Variants in TSHR observed in about 807,000 individuals in gnomAD.
The protein encoded by TSHR is thyroid stimulating hormone receptor, also known as thyrotropin receptor.
Under a neutral mutation model 64.1 loss-of-function variants are expected in TSHR, and 51 were observed. The observed-to-expected ratio is 0.80, with a 90% CI of 0.64 to 1.01. The LOEUF (loss-of-function observed/expected upper bound fraction) is 1.01, where lower values mean the gene tolerates loss of function less well. Ranked by LOEUF, TSHR falls within the 50% of genes least tolerant of loss-of-function variation. The pLI, the probability that TSHR is intolerant of heterozygous loss-of-function variation, is 0.00. For missense variants in TSHR, 877 were observed against 942.8 expected (o/e 0.93, Z 0.91); for synonymous variants, 361 against 361.9 (o/e 1.00, Z 0.03).
chr14:81,082,422 A>G (rs7151543), intron 3 of TSHR, among the ~76,000 whole-genome samples: 35,702 of 152,106 alleles, frequency 0.23, 6,132 homozygotes, highest in African/African-American at 0.49. Context: ...ACCACTGTAA[A>G]CTTGCTTCAA....
chr14:81,000,524 C>T (rs772682070), intron 1 of TSHR, among the ~76,000 whole-genome samples: 8 of 152,116 alleles, frequency 5.3e-5, no homozygotes, highest in Non-Finnish European at 1.2e-4. Flanking sequence ...GGTTAAGATG[C>T]AGTGATAGAT....
chr14:80,966,538 T>C lies in TSHR; in HGVS notation c.170+10688T>C, dbSNP rs147102440. On this transcript the variant is annotated intron_variant, in intron 1 of 9. Coordinates refer to ENST00000298171, the MANE Select transcript of TSHR (RefSeq NM_000369.5). ...TACTATTCTAGGCATTGATATATAA[T>C]AAACGACCTCATTGATTTTACATCA... Among the ~76,000 whole-genome samples the C allele has an allele frequency of 3.5e-3, 524 of 150,724 alleles. 6 individuals carry two copies. Among genetic ancestry groups the C allele is most frequent in the African/African-American group, 0.012 (507 of 41,014 alleles).
intron 8 of TSHR, among the ~76,000 whole-genome samples, chr14:81,122,844 G>A (rs1365198696): frequency 6.6e-6 from 1 of 152,162 alleles, no homozygotes; most frequent in African/African-American, 2.4e-5. Flanking sequence ...TAAAAATTAG[G>A]CTGGGCGTGG....
rs1357980089 is a variant in TSHR, at chr14:81,092,620, C to T, written c.545+12C>T. 15 of 1,611,574 alleles carry T rather than the reference C, an allele frequency of 9.3e-6. No homozygotes were observed. Among genetic ancestry groups the T allele is most frequent in the African/African-American group, 6.7e-5 (5 of 74,786 alleles). ...GAAACCTTGACACTGTGAGTATTAC[C>T]AGTTCTACTCCCTCCATCAACTAAA... is the stretch of plus-strand genomic sequence containing the variant. On this transcript the variant is annotated intron_variant, in intron 6 of 9. Coordinates refer to ENST00000298171, the MANE Select transcript of TSHR (RefSeq NM_000369.5).
chr14:81,081,113 C>G (rs1887869817), intron 3 of TSHR, among the ~76,000 whole-genome samples: 1 of 152,080 alleles, frequency 6.6e-6, no homozygotes, highest in East Asian at 1.9e-4. Flanking sequence ...GGATTTGAGG[C>G]TGTAGTGCAC....
At chr14:81,042,839 T>G (rs1432797197) in intron 1 of TSHR, among the ~76,000 whole-genome samples, 1 of 152,196 alleles carries the variant, frequency 6.6e-6, no homozygotes, top group African/African-American at 2.4e-5. Flanking sequence ...GTAATTGATA[T>G]GCTAAATGCC....
In TSHR at chr14:81,064,948, A is replaced by T. The variant is rs113697565; in HGVS notation, c.242+2729A>T. Reference sequence around the variant, plus strand: ...GATGGTCACTTTTTACATCATAACGAGGAAGTCATGTTGTAGGACTTTCTC... The same window carrying T: ...GATGGTCACTTTTTACATCATAACGTGGAAGTCATGTTGTAGGACTTTCTC... On this transcript the variant is annotated intron_variant, in intron 2 of 9. Transcript: ENST00000298171. Among the ~76,000 whole-genome samples, 403 of 152,292 alleles carry T rather than the reference A, an allele frequency of 2.6e-3. 7 individuals carry two copies. In the Middle Eastern group the frequency reaches 0.027, roughly 10 times the overall value.
chr14:81,050,286 A>C (rs1168435760), intron 1 of TSHR: 1 of 152,222 alleles, frequency 6.6e-6, no homozygotes, highest in Non-Finnish European at 1.5e-5. Context: ...ATCAGTGTTC[A>C]GACCTTCAGG....
chr14:80,989,003 C>T (rs1378410352), intron 1 of TSHR, among the ~76,000 whole-genome samples: 1 of 152,186 alleles, frequency 6.6e-6, no homozygotes, highest in Admixed American at 6.5e-5. Context: ...ATTTTTTCTA[C>T]CAGTTAGACA....
At chr14:81,042,696 TAA>T (rs1212744347) in intron 1 of TSHR, among the ~76,000 whole-genome samples, 1 of 152,052 alleles carries the variant, frequency 6.6e-6, no homozygotes, top group Non-Finnish European at 1.5e-5. Flanking sequence ...TACAGTTAGA[TAA>T]GAGAAATAAG....
chr14:81,108,659 C>T (rs1341070408), intron 8 of TSHR: 1 of 1,614,034 alleles, frequency 6.2e-7, no homozygotes, highest in Non-Finnish European at 8.5e-7. Flanking sequence ...CAGAAGGCCC[C>T]ACGCTCCAGT....
At position 81,008,003 on chromosome 14, in the gene TSHR, T is replaced by A. The variant is rs968472862; in HGVS notation, c.170+52153T>A. ...GATCAGCCTTGGACAGATCACTGTG[T>A]CCAGACTCAATTCTGAAAACTTGTG... On this transcript the variant is annotated intron_variant, in intron 1 of 9. Coordinates refer to ENST00000298171, the MANE Select transcript of TSHR (RefSeq NM_000369.5). Among the ~76,000 whole-genome samples, 3 of 152,174 alleles carry A rather than the reference T, an allele frequency of 2.0e-5. No individual in the cohort carries two copies. The East Asian group carries it at 5.8e-4, about 29-fold the overall frequency.
chr14:81,028,029 T>C (rs1295002121), intron 1 of TSHR, among the ~76,000 whole-genome samples: 5 of 152,258 alleles, frequency 3.3e-5, no homozygotes, highest in Non-Finnish European at 7.4e-5. Flanking sequence ...TGGAAGTAAC[T>C]GGACATATTC....
chr14:81,066,846 A>G (rs1886651251), intron 2 of TSHR, among the ~76,000 whole-genome samples: 2 of 152,174 alleles, frequency 1.3e-5, no homozygotes, highest in Admixed American at 1.3e-4. Context: ...GCTGGAAACC[A>G]TCTGTCAATT....
Position 81,139,881 on chromosome 14 carries a change from A to C in TSHR, c.881+14A>C, listed in dbSNP as rs1235101075. On this transcript the variant is annotated intron_variant, in intron 9 of 9. Coordinates refer to ENST00000298171, the MANE Select transcript of TSHR (RefSeq NM_000369.5). ...GAAAATCAGAGGGTAAGTGGCAGGG[A>C]CCCGGCATAAGTGACAAAAGACCTT... is the stretch of plus-strand genomic sequence containing the variant. 7 of 1,614,070 alleles carry C rather than the reference A, an allele frequency of 4.3e-6. No individual in the cohort carries two copies. Among genetic ancestry groups the C allele is most frequent in the East Asian group, 2.2e-5 (1 of 44,886 alleles).
chr14:81,067,271 T>G (rs1051290457), intron 2 of TSHR, among the ~76,000 whole-genome samples: 1 of 151,948 alleles, frequency 6.6e-6, no homozygotes, highest in African/African-American at 2.4e-5. Flanking sequence ...TGCTCATGTT[T>G]TTTTGCTATT....
rs1566836946 is a variant in TSHR at position 81,144,990 on chromosome 14, G to A, written c.*637G>A. 1 of 233,542 alleles carries A rather than the reference G, an allele frequency of 4.3e-6. No individual in the cohort carries two copies. The allele number at this position is 233,542 out of a possible 1,614,324, so 14.5% of individuals were successfully genotyped here. The stretch of plus-strand genomic sequence containing the variant: ...CTCTTCACAAGAATCCACCTGATGT[G>A]ACCAAGCTATTATGTGTTGCCTGGA... On this transcript the variant is annotated 3_prime_UTR_variant, in exon 10 of 10. Transcript: ENST00000298171.
intron 8 of TSHR, among the ~76,000 whole-genome samples, chr14:81,131,782 T>C (rs1336572356): frequency 6.6e-6 from 1 of 152,206 alleles, no homozygotes; most frequent in Non-Finnish European, 1.5e-5. Context: ...CTGCCTTTTC[T>C]CTTCCCTGTT....
At chr14:81,113,885 TC>T (rs35232473) in intron 8 of TSHR, among the ~76,000 whole-genome samples, 1 of 152,112 alleles carries the variant, frequency 6.6e-6, no homozygotes, top group Admixed American at 6.5e-5. Flanking sequence ...TTCTTACTCA[TC>T]CCAGAAAAAA....
Sources: gnomAD v4.1 joint callset for allele counts (sites outside exome capture counted in the v4.1 genomes callset) on GRCh38, gnomAD v4.1.1 for gene constraint, MANE v1.5 for transcripts, NCBI Gene and HGNC (gene_info 2026-07-23, HGNC 2026-07-21) for gene names.